Variants in ABCC6 observed in about 807,000 individuals in gnomAD.
The protein encoded by ABCC6 is ATP binding cassette subfamily C member 6, also known as ATP-binding cassette sub-family C member 6.
ABCC6 carries 126 observed loss-of-function variants against 169.5 expected under a neutral mutation model. That is an observed-to-expected ratio of 0.74 (90% CI 0.64 to 0.86). The LOEUF is 0.86. Among genes scored for constraint, ABCC6 ranks in the 40% least tolerant of loss-of-function variants. The probability of loss-of-function intolerance (pLI) is 0.00; values close to 1 mark genes in which losing one functional copy is unlikely to be tolerated. For synonymous variants in ABCC6, 752 were observed against 814.7 expected, an observed-to-expected ratio of 0.92 and a Z score of 1.31; for missense variants, 1,733 against 1,927.2, an observed-to-expected ratio of 0.90 and a Z score of 1.89.
chr16:16,191,663 T>TC (rs1010112861), intron 11 of ABCC6, among the ~76,000 whole-genome samples: 4 of 134,960 alleles, frequency 3.0e-5, no homozygotes, highest in Non-Finnish European at 6.3e-5. Context: ...CTTCCCTCCC[T>TC]CCCCCCTTTC....
intron 5 of ABCC6, among the ~76,000 whole-genome samples, chr16:16,212,779 A>G (rs1238849020): frequency 1.3e-5 from 2 of 152,118 alleles, no homozygotes; most frequent in Non-Finnish European, 2.9e-5. Context: ...AAGAACAACT[A>G]TGATTATACT....
chr16:16,191,081 G>GGGGC (rs1168534476), intron 11 of ABCC6, among the ~76,000 whole-genome samples: 1 of 6,718 alleles, frequency 1.5e-4, no homozygotes, highest in African/African-American at 1.6e-4. Context: ...GCTTCACCAT[G>GGGGC]GGGCGGGGGG....
intron 10 of ABCC6, 35 bp from the exon 11 acceptor site, chr16:16,192,957 C>T (rs756131241): frequency 1.7e-5 from 27 of 1,582,348 alleles, no homozygotes; most frequent in Middle Eastern, 1.7e-4. Context: ...CAGGAGATCC[C>T]GAGGAGCCCA....
intron 17 of ABCC6, 65 bp from the exon 18 acceptor site, chr16:16,179,030 C>T (rs2047384198): frequency 1.3e-6 from 2 of 1,566,768 alleles, no homozygotes; most frequent in Middle Eastern, 2.3e-4. Context: ...GGTGCCCAGG[C>T]TGTGGCAGGT....
intron 20 of ABCC6, among the ~76,000 whole-genome samples, chr16:16,174,771 C>CA (rs942420052): frequency 2.2e-5 from 3 of 136,030 alleles, no homozygotes; most frequent in Non-Finnish European, 4.8e-5. Context: ...CCCCCCCCCG[C>CA]AAAAAACAAA....
intron 9 of ABCC6, among the ~76,000 whole-genome samples, chr16:16,201,663 A>G (rs1346353887): frequency 6.6e-6 from 1 of 152,142 alleles, no homozygotes; most frequent in Middle Eastern, 3.2e-3. Context: ...CCTTGTCTCT[A>G]CCAAAAATAT....
At chr16:16,182,951 A>G in intron 15 of ABCC6, 21 bp from the exon 16 acceptor site, 2 of 1,614,040 alleles carry the variant, frequency 1.2e-6, no homozygotes, top group Non-Finnish European at 8.5e-7. Context: ...AAGAGGGGAG[A>G]CATGACCTTG....
chr16:16,210,213 C>G (rs932450575), intron 6 of ABCC6, among the ~76,000 whole-genome samples: 6 of 151,780 alleles, frequency 4.0e-5, no homozygotes, highest in Non-Finnish European at 7.4e-5. Flanking sequence ...CTCGGCTCAC[C>G]GCAACCTCCA....
rs2049081457 is a variant in ABCC6 at position 16,221,699 on chromosome 16, G to C, written c.169C>G (p.His57Asp). Residue 57 changes from histidine (H) to aspartate (D), a missense_variant, in exon 2 of 31, where the codon CAC becomes GAC. Physicochemically the swap from His to Asp is moderately conservative, Grantham distance 81 (BLOSUM62 -1). Coordinates refer to ENST00000205557, the MANE Select transcript of ABCC6 (RefSeq NM_001171.6). The stretch of plus-strand genomic sequence containing the variant: ...ATCCGGAGGTAGCCCCGGCCATGGT[G>C]GTGGATGAAGAGGAGGTAGATGGGA... ...LGPIYLLFIH[H>D]HGRGYLRMSP... 1.2e-6 allele frequency: 2 copies of C among 1,613,934 alleles called. No individual in the cohort carries two copies.
Position 16,198,089 on chromosome 16 carries a change from C to A in ABCC6, c.1270G>T (p.Val424Phe). 4 of 1,613,974 alleles carry A rather than the reference C, an allele frequency of 2.5e-6. No homozygotes were observed. The South Asian group carries it at 4.4e-5, about 18-fold the overall frequency. ...AGCCACAGCCCGTTGAGGTAGAGGA[C>A]GCTCTCGGTCAGCCGCTGCACGTCC... ...SVDVQRLTES[V>F]LYLNGLWLPL... The change falls in exon 10 of 31, where the codon GTC becomes TTC. Residue 424 changes from valine (V) to phenylalanine (F), a missense_variant. This residue lies in a region of ABCC6 where 1,601 missense variants were observed against 1,635.5 expected (regional missense o/e 0.98). Coordinates refer to ENST00000205557, the MANE Select transcript of ABCC6 (RefSeq NM_001171.6).
chr16:16,207,459 G>C (rs1288961226), intron 7 of ABCC6, among the ~76,000 whole-genome samples: 2 of 152,202 alleles, frequency 1.3e-5, no homozygotes, highest in African/African-American at 2.4e-5. Context: ...TGGGATGGGA[G>C]ATGAAAGGAG....
rs2048140635 is a variant in ABCC6, at chr16:16,198,769, A to G, written c.1177-587T>C. ...AGCACTTTGGGAGGCCGAGGTGGAC[A>G]GATCACCTGAGGTCAGGAGGTGGAG... is the stretch of plus-strand genomic sequence containing the variant. On this transcript the variant is annotated intron_variant, in intron 9 of 30. Transcript: ENST00000205557. Among the ~76,000 whole-genome samples, 3 of 151,472 alleles carry G rather than the reference A, an allele frequency of 2.0e-5. No homozygotes were observed. In the East Asian group the frequency reaches 5.8e-4, roughly 29 times the overall value.
Position 16,221,629 on chromosome 16 carries a change from C to A in ABCC6, c.219+20G>T. 1 of 1,613,424 alleles carries A rather than the reference C, an allele frequency of 6.2e-7. No homozygotes were observed. The highest frequency in any genetic ancestry group is 1.7e-5 in the Admixed American group (1 of 59,888). ...CCCCCGAACATTGCCTGGTTCCAGG[C>A]TCCCAGGGATGGCAGCTACCATCTT... On this transcript the variant is annotated intron_variant, in intron 2 of 30. Transcript: ENST00000205557.
intron 14 of ABCC6, among the ~76,000 whole-genome samples, chr16:16,185,536 C>A (rs562938196): frequency 9.8e-5 from 15 of 152,292 alleles, no homozygotes; most frequent in Middle Eastern, 6.8e-3. Context: ...GTAATCCCAG[C>A]ACTTTAGGAA....
At chr16:16,157,633 TGAA>T in intron 27 of ABCC6, 27 bp downstream of exon 27, 1 of 1,613,912 alleles carries the variant, frequency 6.2e-7, no homozygotes, top group Non-Finnish European at 8.5e-7. Flanking sequence ...CTAAACTCCA[TGAA>T]GAAGACATTG....
At chr16:16,193,775 A>G (rs575783731) in intron 10 of ABCC6, among the ~76,000 whole-genome samples, 53 of 152,304 alleles carry the variant, frequency 3.5e-4, no homozygotes, top group African/African-American at 1.2e-3. Context: ...TCTTTCTTGC[A>G]CGAGATCCAA....
intron 18 of ABCC6, 55 bp downstream of exon 18, chr16:16,178,743 T>C (rs2047370815): frequency 6.2e-7 from 1 of 1,606,426 alleles, no homozygotes. Flanking sequence ...GACTGGATGC[T>C]AAGTGCTTCC....
chr16:16,222,339 G>A lies in ABCC6; in HGVS notation c.37-508C>T, dbSNP rs1006122443. On this transcript the variant is annotated intron_variant, in intron 1 of 30. Coordinates refer to ENST00000205557, the MANE Select transcript of ABCC6 (RefSeq NM_001171.6). The stretch of plus-strand genomic sequence containing the variant: ...GCTTATCTGACCCCAAACCTCGTTC[G>A]ACTGGTGGTCTTGATGTATGATTTG... Among the ~76,000 whole-genome samples, 290 of 152,250 alleles carry A rather than the reference G, an allele frequency of 1.9e-3. 3 individuals are homozygous for A. Among genetic ancestry groups the A allele is most frequent in the South Asian group, 1.2e-3 (6 of 4,828 alleles).
rs146136349 is a variant in ABCC6 at position 16,169,221 on chromosome 16, G to T, written c.2995+425C>A. Among the ~76,000 whole-genome samples the T allele has an allele frequency of 1.6e-4, 25 of 152,318 alleles. No individual in the cohort carries two copies. The East Asian group carries it at 3.5e-3, about 21-fold the overall frequency. On this transcript the variant is annotated intron_variant, in intron 22 of 30. Transcript: ENST00000205557. Reference sequence around the variant, plus strand: ...GAAACTGGGCAGACTGTTCAAGGTAGCTGGCTGCCTTATTTCCTAGAACTG... The same window carrying T: ...GAAACTGGGCAGACTGTTCAAGGTATCTGGCTGCCTTATTTCCTAGAACTG...
Sources: allele counts gnomAD v4.1 joint callset (sites outside exome capture counted in the v4.1 genomes callset), GRCh38; gene constraint gnomAD v4.1.1; regional missense constraint gnomAD v4.1.1; transcripts MANE v1.5; gene names NCBI Gene and HGNC (gene_info 2026-07-23, HGNC 2026-07-21).